The following PRKCH variants were observed in gnomAD, a reference collection of about 807,000 sequenced individuals.
The protein encoded by PRKCH is protein kinase C eta.
Under a neutral mutation model 82.5 loss-of-function variants are expected in PRKCH, and 28 were observed. The observed-to-expected ratio is 0.34, with a 90% CI of 0.25 to 0.47. PRKCH has a LOEUF of 0.47. Ranked by LOEUF, PRKCH falls within the 20% of genes least tolerant of loss-of-function variation. The pLI, the probability that PRKCH is intolerant of heterozygous loss-of-function variation, is 1.00. For missense variants in PRKCH, 705 were observed against 881.8 expected (o/e 0.80, Z 2.54); for synonymous variants, 322 against 327.4 (o/e 0.98, Z 0.18).
intron 10 of PRKCH, among the ~76,000 whole-genome samples, chr14:61,486,268 T>G (rs1318218756): frequency 3.5e-5 from 4 of 114,032 alleles, no homozygotes; most frequent in Non-Finnish European, 7.6e-5. Flanking sequence ...AACTAAAGGG[T>G]GTGGCTAACC....
At chr14:61,203,702 A>G (rs1484910705) in intron 1 of PRKCH, among the ~76,000 whole-genome samples, 1 of 152,086 alleles carries the variant, frequency 6.6e-6, no homozygotes, top group Non-Finnish European at 1.5e-5. Context: ...CAGGTTGAGC[A>G]CGGTGGCTCA....
intron 1 of PRKCH, among the ~76,000 whole-genome samples, chr14:61,336,498 G>C (rs758422080): frequency 1.3e-5 from 2 of 152,178 alleles, no homozygotes; most frequent in Admixed American, 6.5e-5. Flanking sequence ...TTGTTGGTTT[G>C]CTTATTCAAT....
intron 10 of PRKCH, among the ~76,000 whole-genome samples, chr14:61,526,305 G>C (rs1166139142): frequency 1.3e-5 from 2 of 152,202 alleles, no homozygotes; most frequent in African/African-American, 4.8e-5. Flanking sequence ...CAGAAAGCTT[G>C]CTTCGCTGAA....
At chr14:61,374,200 C>T (rs1289097888) in intron 1 of PRKCH, among the ~76,000 whole-genome samples, 1 of 152,154 alleles carries the variant, frequency 6.6e-6, no homozygotes, top group Non-Finnish European at 1.5e-5. Context: ...CCAGGGCACA[C>T]CGATGCAAGG....
chr14:61,494,628 C>T (rs1450962741), intron 10 of PRKCH, among the ~76,000 whole-genome samples: 5 of 152,172 alleles, frequency 3.3e-5, no homozygotes, highest in East Asian at 1.9e-4. Flanking sequence ...AGTGGAAATG[C>T]GAATGCTTTT....
intron 12 of PRKCH, among the ~76,000 whole-genome samples, chr14:61,547,169 G>C (rs79114149): frequency 6.6e-6 from 1 of 152,172 alleles, no homozygotes; most frequent in South Asian, 2.1e-4. Context: ...TGATATCTTC[G>C]CTGCATAAAG....
At chr14:61,456,680 G>T (rs758695009) in intron 7 of PRKCH, among the ~76,000 whole-genome samples, 1 of 152,286 alleles carries the variant, frequency 6.6e-6, no homozygotes, top group South Asian at 2.1e-4. Context: ...TTTGATCATT[G>T]TTCTAATATT....
intron 1 of PRKCH, among the ~76,000 whole-genome samples, chr14:61,313,483 G>T (rs548995352): frequency 6.6e-6 from 1 of 152,034 alleles, no homozygotes; most frequent in Non-Finnish European, 1.5e-5. Context: ...TTTGAGACAG[G>T]GTCTTGCTCT....
In PRKCH at chr14:61,190,388, G is replaced by A. The variant is rs570766096; in HGVS notation, c.-19+2720G>A. ...AGAGACCAGTAGTTGCTTCCCACCC[G>A]AACATCTGTATCAACCTTCTAGTCT... On this transcript the variant is annotated intron_variant, in intron 1 of 3. Coordinates refer to the PRKCH transcript ENST00000555185. 9.2e-5 allele frequency among the ~76,000 whole-genome samples: 14 copies of A among 152,162 alleles called. No homozygotes were observed. The South Asian group carries it at 2.5e-3, about 27-fold the overall frequency.
intron 2 of PRKCH, among the ~76,000 whole-genome samples, chr14:61,426,198 C>A (rs1266405441): frequency 2.6e-5 from 4 of 152,184 alleles, no homozygotes; most frequent in African/African-American, 7.2e-5. Flanking sequence ...GTCCAAGGTG[C>A]AACCTGGAAC....
intron 1 of PRKCH, among the ~76,000 whole-genome samples, chr14:61,260,921 G>A (rs2045038781): frequency 6.6e-6 from 1 of 152,180 alleles, no homozygotes; most frequent in South Asian, 2.1e-4. Context: ...GGACTTCCAA[G>A]TATTTCATTT....
chr14:61,300,349 C>T (rs2045439585), intron 1 of PRKCH, among the ~76,000 whole-genome samples: 1 of 152,178 alleles, frequency 6.6e-6, no homozygotes, highest in Admixed American at 6.5e-5. Flanking sequence ...CTGAAAGAAT[C>T]TCCATATGAC....
chr14:61,188,977 C>T, intron 1 of PRKCH, among the ~76,000 whole-genome samples: 1 of 151,754 alleles, frequency 6.6e-6, no homozygotes, highest in East Asian at 1.9e-4. Context: ...GCCTCGGGCT[C>T]CCAAAGTGCT....
At chr14:61,325,570 A>T (rs2045684338) in intron 1 of PRKCH, among the ~76,000 whole-genome samples, 1 of 152,220 alleles carries the variant, frequency 6.6e-6, no homozygotes, top group African/African-American at 2.4e-5. Flanking sequence ...AAATTTTTAG[A>T]TAGCGTACAA....
chr14:61,290,184 C>G (rs564696255), intron 1 of PRKCH, among the ~76,000 whole-genome samples: 11 of 151,458 alleles, frequency 7.3e-5, no homozygotes, highest in African/African-American at 2.4e-4. Flanking sequence ...CCTAGCTACT[C>G]GGAAGGCTGA....
chr14:61,434,704 C>T (rs1327006031), intron 2 of PRKCH, among the ~76,000 whole-genome samples: 4 of 152,136 alleles, frequency 2.6e-5, no homozygotes, highest in Admixed American at 2.0e-4. Context: ...TACTTCACTT[C>T]ACCTTGAAGA....
At chr14:61,493,294 T>A (rs1886533621) in intron 10 of PRKCH, among the ~76,000 whole-genome samples, 1 of 152,214 alleles carries the variant, frequency 6.6e-6, no homozygotes, top group Non-Finnish European at 1.5e-5. Context: ...GTGCTTTCTG[T>A]TCTGCTGTAG....
At chr14:61,293,328 G>A (rs2045379341) in intron 1 of PRKCH, among the ~76,000 whole-genome samples, 1 of 152,192 alleles carries the variant, frequency 6.6e-6, no homozygotes, top group African/African-American at 2.4e-5. Context: ...TTAGAAGCCT[G>A]GTGGGCTAGG....
intron 1 of PRKCH, among the ~76,000 whole-genome samples, chr14:61,200,728 G>A (rs975262062): frequency 6.6e-6 from 1 of 151,990 alleles, no homozygotes; most frequent in African/African-American, 2.4e-5. Context: ...GAGAGAGAGA[G>A]ACTATATTTA....
Sources: gnomAD v4.1 joint callset for allele counts (sites outside exome capture counted in the v4.1 genomes callset) on GRCh38, gnomAD v4.1.1 for gene constraint, MANE v1.5 for transcripts, NCBI Gene and HGNC (gene_info 2026-07-23, HGNC 2026-07-21) for gene names.